The following STAG1 variants were observed in gnomAD, a reference collection of about 807,000 sequenced individuals.
The protein encoded by STAG1 is STAG1 cohesin complex component.
STAG1 carries 26 observed loss-of-function variants against 170.9 expected under a neutral mutation model. The observed-to-expected ratio is 0.15, with a 90% CI of 0.11 to 0.21. The LOEUF (loss-of-function observed/expected upper bound fraction) is 0.21, where lower values mean the gene tolerates loss of function less well. Ranked by LOEUF, STAG1 falls within the 10% of genes least tolerant of loss-of-function variation. The probability of loss-of-function intolerance (pLI) is 1.00; values close to 1 mark genes in which losing one functional copy is unlikely to be tolerated. For missense variants in STAG1, 964 were observed against 1,509.5 expected, an observed-to-expected ratio of 0.64 and a Z score of 5.99; for synonymous variants, 514 against 497.7, an observed-to-expected ratio of 1.03 and a Z score of -0.44.
chr3:136,634,560 C>T (rs928163745), intron 1 of STAG1, among the ~76,000 whole-genome samples: 3 of 144,242 alleles, frequency 2.1e-5, no homozygotes, highest in African/African-American at 7.7e-5. Flanking sequence ...GTATGGGATG[C>T]AGCAAAAGCA....
chr3:136,739,503 CAA>C (rs1165327249), intron 1 of STAG1, among the ~76,000 whole-genome samples: 12 of 45,668 alleles, frequency 2.6e-4, no homozygotes, highest in Non-Finnish European at 3.5e-4. Flanking sequence ...CAGACTCCGT[CAA>C]AAAAAAAAAA....
rs180807483 is a variant in STAG1, at chr3:136,458,947, C to T, written c.1313+5934G>A. ...AAAAAAAGACAAAGAAGGCCAGGCA[C>T]GGTGGTGCAAGCCTGTAATCGCAGC... On this transcript the variant is annotated intron_variant, in intron 13 of 33. Transcript: ENST00000383202. 7.2e-5 allele frequency among the ~76,000 whole-genome samples: 11 copies of T among 152,122 alleles called. No individual in the cohort carries two copies. In the East Asian group the frequency reaches 1.4e-3, roughly 19 times the overall value.
chr3:136,582,652 A>T (rs1937614658), intron 4 of STAG1, among the ~76,000 whole-genome samples: 1 of 152,146 alleles, frequency 6.6e-6, no homozygotes, highest in Admixed American at 6.6e-5. Flanking sequence ...TACAAAAATT[A>T]GCCAGGCGTG....
At chr3:136,539,129 G>A (rs1192834044) in intron 6 of STAG1, among the ~76,000 whole-genome samples, 6 of 147,470 alleles carry the variant, frequency 4.1e-5, no homozygotes, top group Admixed American at 6.8e-5. Context: ...GCCAGACTCC[G>A]TCTCAAAAAA....
At chr3:136,555,681 C>CTCAATCAA (rs149089822) in intron 5 of STAG1, among the ~76,000 whole-genome samples, 14 of 150,964 alleles carry the variant, frequency 9.3e-5, no homozygotes, top group South Asian at 2.1e-4. Context: ...TAGACTCTGT[C>CTCAATCAA]TCAATCAATC....
intron 4 of STAG1, among the ~76,000 whole-genome samples, chr3:136,603,861 T>C (rs1490618959): frequency 6.6e-6 from 1 of 151,990 alleles, no homozygotes; most frequent in Non-Finnish European, 1.5e-5. Flanking sequence ...CACTCCAGCC[T>C]GGGCAACAGA....
At chr3:136,462,761 C>G (rs865868217) in intron 13 of STAG1, among the ~76,000 whole-genome samples, 4 of 152,054 alleles carry the variant, frequency 2.6e-5, no homozygotes, top group Non-Finnish European at 4.4e-5. Context: ...GTGCATGCAT[C>G]AAAATATCAC....
chr3:136,702,103 GAGAGAGAGAGAGAGAGAGACAGAGAGAC>G (rs1258320948), intron 1 of STAG1, among the ~76,000 whole-genome samples: 29 of 105,034 alleles, frequency 2.8e-4, no homozygotes, highest in African/African-American at 9.0e-4. Context: ...GAGAGAGAGA[GAGAGAGAGAGAGAGAGAGACAGAGAGAC>G]AGAGAGACAG....
intron 9 of STAG1, among the ~76,000 whole-genome samples, chr3:136,495,688 G>T (rs1237533498): frequency 1.3e-5 from 2 of 151,952 alleles, no homozygotes; most frequent in African/African-American, 4.8e-5. Flanking sequence ...CAAAATTAGG[G>T]CCGGGCACGG....
intron 3 of STAG1, among the ~76,000 whole-genome samples, chr3:136,618,591 A>G (rs1297863922): frequency 6.6e-6 from 1 of 152,230 alleles, no homozygotes; most frequent in South Asian, 2.1e-4. Context: ...AAAAAAATCC[A>G]TAATAAAACA....
intron 1 of STAG1, among the ~76,000 whole-genome samples, chr3:136,640,791 G>A (rs1216163062): frequency 6.7e-6 from 1 of 150,372 alleles, no homozygotes; most frequent in Non-Finnish European, 1.5e-5. Context: ...TCCTGCCTCA[G>A]CCTCCCGAGT....
At chr3:136,420,152 C>T (rs1432267792) in intron 20 of STAG1, among the ~76,000 whole-genome samples, 2 of 142,454 alleles carry the variant, frequency 1.4e-5, no homozygotes, top group East Asian at 4.2e-4. Flanking sequence ...GAGGCTAAGG[C>T]ATAAGAATCA....
At chr3:136,571,598 A>G (rs1420654332) in intron 4 of STAG1, among the ~76,000 whole-genome samples, 1 of 152,138 alleles carries the variant, frequency 6.6e-6, no homozygotes, top group Non-Finnish European at 1.5e-5. Flanking sequence ...GGCCAGGCAC[A>G]GTGACTTGCA....
intron 16 of STAG1, 136 bp from the exon 17 acceptor site, chr3:136,423,180 G>C: frequency 1.8e-6 from 1 of 552,970 alleles, no homozygotes; most frequent in Non-Finnish European, 3.0e-6. Flanking sequence ...ATAAACACAA[G>C]AAAGTTTATG....
intron 6 of STAG1, among the ~76,000 whole-genome samples, chr3:136,529,220 G>A (rs767676400): frequency 1.3e-5 from 2 of 152,074 alleles, no homozygotes; most frequent in Non-Finnish European, 2.9e-5. Context: ...CAGAATGAAA[G>A]CATTTTAAAA....
chr3:136,380,476 G>A (rs1040960332), intron 22 of STAG1, among the ~76,000 whole-genome samples: 39 of 151,954 alleles, frequency 2.6e-4, no homozygotes, highest in African/African-American at 8.9e-4. Flanking sequence ...TCCTGACCTC[G>A]TGATCCGCCA....
chr3:136,421,262 AG>A (rs2087949972), intron 19 of STAG1, 99 bp from the exon 20 acceptor site: 1 of 634,450 alleles, frequency 1.6e-6, no homozygotes, highest in Non-Finnish European at 2.5e-6. Flanking sequence ...TTATATTAAT[AG>A]TATATATTCA....
At chr3:136,555,073 A>G (rs1936553666) in intron 5 of STAG1, among the ~76,000 whole-genome samples, 1 of 148,548 alleles carries the variant, frequency 6.7e-6, no homozygotes, top group African/African-American at 2.4e-5. Context: ...GCACTCAGGC[A>G]CACACACACA....
At chr3:136,702,075 AAG>A (rs745623191) in intron 1 of STAG1, among the ~76,000 whole-genome samples, 9,047 of 92,066 alleles carry the variant, frequency 0.098, 529 homozygotes, top group East Asian at 0.16. Flanking sequence ...ACCATGCCGA[AAG>A]AGAGAGAGAG....
Sources: allele counts gnomAD v4.1 joint callset (sites outside exome capture counted in the v4.1 genomes callset), GRCh38; gene constraint gnomAD v4.1.1; transcripts MANE v1.5; gene names NCBI Gene and HGNC (gene_info 2026-07-23, HGNC 2026-07-21).